SMARCAL1: variants seen among roughly 807,000 people sequenced by gnomAD.
SMARCAL1 encodes ATP-driven annealing helicase.
SMARCAL1 carries 58 observed loss-of-function variants against 94.5 expected under a neutral mutation model. The ratio of observed to expected loss-of-function variants is 0.61; its 90% CI spans 0.50 to 0.76. The LOEUF is 0.76. SMARCAL1 is among the 30% of genes least tolerant of loss of function. The pLI, the probability that SMARCAL1 is intolerant of heterozygous loss-of-function variation, is 0.00. For missense variants in SMARCAL1, 1,051 were observed against 1,177.9 expected, an observed-to-expected ratio of 0.89 and a Z score of 1.58; for synonymous variants, 422 against 455.1, an observed-to-expected ratio of 0.93 and a Z score of 0.93.
chr2:216,421,171 G>T (rs544137264), intron 5 of SMARCAL1, among the ~76,000 whole-genome samples: 48 of 152,286 alleles, frequency 3.2e-4, no homozygotes, highest in African/African-American at 1.1e-3. Flanking sequence ...TGTTTATTTT[G>T]TCGGAGGTGG....
At chr2:216,422,057 T>A (rs776378267) in intron 5 of SMARCAL1, among the ~76,000 whole-genome samples, 47 of 152,164 alleles carry the variant, frequency 3.1e-4, no homozygotes, top group Admixed American at 5.9e-4. Flanking sequence ...TCCTGCCCCC[T>A]CAGGTGTTTG....
intron 3 of SMARCAL1, 128 bp downstream of exon 3, chr2:216,415,643 T>A: frequency 1.1e-6 from 1 of 928,380 alleles, no homozygotes; most frequent in Admixed American, 2.6e-5. Flanking sequence ...TTGTTAAAAA[T>A]TTTTCAATTT....
At chr2:216,449,018 A>G (rs1033085) in intron 11 of SMARCAL1, among the ~76,000 whole-genome samples, 36,534 of 152,142 alleles carry the variant, frequency 0.24, 5,416 homozygotes, top group Non-Finnish European at 0.32. Context: ...TATTTAGCTC[A>G]TGGTTCTGGA....
At chr2:216,417,076 C>T (rs1440960002) in intron 4 of SMARCAL1, among the ~76,000 whole-genome samples, 1 of 152,206 alleles carries the variant, frequency 6.6e-6, no homozygotes, top group East Asian at 1.9e-4. Context: ...CTCTTCCTCC[C>T]CCTAGCTTAA....
intron 15 of SMARCAL1, among the ~76,000 whole-genome samples, chr2:216,476,521 C>T (rs1312207462): frequency 6.6e-6 from 1 of 152,120 alleles, no homozygotes; most frequent in Non-Finnish European, 1.5e-5. Context: ...CCATGTTGCT[C>T]AAGCTGTTCT....
At chr2:216,427,908 TC>T (rs1272857655) in intron 6 of SMARCAL1, among the ~76,000 whole-genome samples, 2 of 152,334 alleles carry the variant, frequency 1.3e-5, no homozygotes, top group Admixed American at 6.5e-5. Context: ...CCTTAGGATT[TC>T]AAATAATATT....
rs1693548931 is a variant in SMARCAL1, at chr2:216,414,745, A to T, written c.41A>T (p.Glu14Val). The T allele has an allele frequency of 1.2e-6, 2 of 1,614,092 alleles. No individual in the cohort carries two copies. Among genetic ancestry groups the T allele is most frequent in the African/African-American group, 2.7e-5 (2 of 74,930 alleles). Reference sequence around the variant, plus strand: ...ACAGAGGAGCAGAGGAAAAAGATTGAAGAGAATCGACAAAAGGCTCTGGCC... The same window carrying T: ...ACAGAGGAGCAGAGGAAAAAGATTGTAGAGAATCGACAAAAGGCTCTGGCC... The part of the protein sequence containing the change: ...PLTEEQRKKI[E>V]ENRQKALARR... Residue 14 changes from glutamate (E) to valine (V), a missense_variant, in exon 3 of 18, where the codon GAA (glutamate) becomes GTA (valine). By Grantham distance (121) the Glu-to-Val change is moderately radical. This residue lies in a region of SMARCAL1 where 398 missense variants were observed against 395.2 expected (regional missense o/e 1.01). Coordinates refer to ENST00000357276, the MANE Select transcript of SMARCAL1 (RefSeq NM_014140.4).
Position 216,475,484 on chromosome 2 carries a change from G to C in SMARCAL1, c.2427+33G>C. On this transcript the variant is annotated intron_variant, in intron 15 of 17. Transcript: ENST00000357276. This position sits in a 1 kb window ranked among gnomAD's most constrained non-coding sequence, Gnocchi z 4.4. ...ACGCAGAAGACTCAGATACTCCCCA[G>C]GCATGCTCATGGCTGTGGGCAGGAA... The C allele has an allele frequency of 6.2e-7, 1 of 1,609,750 alleles. No homozygotes were observed. Among genetic ancestry groups the C allele is most frequent in the Non-Finnish European group, 8.5e-7 (1 of 1,175,982 alleles).
intron 15 of SMARCAL1, among the ~76,000 whole-genome samples, chr2:216,476,305 G>A (rs1360904621): frequency 2.8e-5 from 4 of 143,530 alleles, no homozygotes; most frequent in Admixed American, 7.2e-5. Flanking sequence ...TGCTCATGAT[G>A]TTAGGTGGTT....
At position 216,437,304 on chromosome 2, in the gene SMARCAL1, A is replaced by G. The variant is rs1192118633; in HGVS notation, c.1645-1116A>G. On this transcript the variant is annotated intron_variant, in intron 9 of 17. Transcript: ENST00000357276. ...GATCAGAAAGGCATATGACCGTAAC[A>G]CTCCAGCTTTCTGGACAGGATACTT... is the stretch of plus-strand genomic sequence containing the variant. 4.6e-5 allele frequency among the ~76,000 whole-genome samples: 7 copies of G among 152,058 alleles called. No homozygotes were observed. In the East Asian group the frequency reaches 1.2e-3, roughly 25 times the overall value.
intron 12 of SMARCAL1, among the ~76,000 whole-genome samples, chr2:216,455,587 C>T (rs1237767937): frequency 6.6e-6 from 1 of 152,212 alleles, no homozygotes; most frequent in East Asian, 1.9e-4. Context: ...CCGAGCCAAA[C>T]AGGGTCTGGA....
At chr2:216,461,647 G>A (rs1694707495) in intron 12 of SMARCAL1, among the ~76,000 whole-genome samples, 1 of 152,092 alleles carries the variant, frequency 6.6e-6, no homozygotes, top group African/African-American at 2.4e-5. Context: ...GGACAACATG[G>A]CAAAACCCTG....
At chr2:216,459,403 C>A (rs1345208689) in intron 12 of SMARCAL1, among the ~76,000 whole-genome samples, 1 of 152,202 alleles carries the variant, frequency 6.6e-6, no homozygotes. Flanking sequence ...AAGAACAAAG[C>A]TGGAGTCATC....
chr2:216,468,138 C>T (rs937553298), intron 14 of SMARCAL1, 92 bp downstream of exon 14: 7 of 825,772 alleles, frequency 8.5e-6, no homozygotes, highest in African/African-American at 5.1e-5. Context: ...AAAGTGAGAC[C>T]GATGGCTTCC....
chr2:216,438,313 G>T, intron 9 of SMARCAL1, 107 bp from the exon 10 acceptor site: 1 of 910,088 alleles, frequency 1.1e-6, no homozygotes, highest in Non-Finnish European at 1.8e-6. Context: ...AAGTGCTAAG[G>T]GAGCATCCAC....
At chr2:216,464,030 C>T (rs1458070006) in intron 12 of SMARCAL1, among the ~76,000 whole-genome samples, 2 of 151,982 alleles carry the variant, frequency 1.3e-5, no homozygotes, top group African/African-American at 2.4e-5. Flanking sequence ...CGAGACAGAG[C>T]GAGACTTTGT....
chr2:216,439,423 A>G (rs1355273497), intron 10 of SMARCAL1, among the ~76,000 whole-genome samples: 1 of 152,140 alleles, frequency 6.6e-6, no homozygotes, highest in East Asian at 1.9e-4. Flanking sequence ...GAAGTTTCTC[A>G]CAGATTACTT....
At chr2:216,446,058 G>C (rs1694307611) in intron 10 of SMARCAL1, among the ~76,000 whole-genome samples, 2 of 152,096 alleles carry the variant, frequency 1.3e-5, no homozygotes, top group African/African-American at 2.4e-5. Flanking sequence ...GAGCTGAAGT[G>C]AATTTTACGT....
Position 216,464,516 on chromosome 2 carries a change from G to A in SMARCAL1, c.2071-81G>A, listed in dbSNP as rs555486135. On this transcript the variant is annotated intron_variant, in intron 12 of 17. Coordinates refer to ENST00000357276, the MANE Select transcript of SMARCAL1 (RefSeq NM_014140.4). ...GACGGGTGGTTGAGATTTGTAAAGCGCATAGGAGCAATAATTAGATCCACT... is the reference window on the plus strand; with the variant it reads ...GACGGGTGGTTGAGATTTGTAAAGCACATAGGAGCAATAATTAGATCCACT... 2.8e-5 allele frequency: 28 copies of A among 1,001,270 alleles called. 2 individuals carry two copies. The highest frequency in any genetic ancestry group is 4.0e-4 in the Middle Eastern group (2 of 4,944). 62.0% of individuals were successfully genotyped at this position (1,001,270 alleles called of 1,614,324 possible).
Sources: allele counts gnomAD v4.1 joint callset (sites outside exome capture counted in the v4.1 genomes callset), GRCh38; gene constraint gnomAD v4.1.1; regional missense constraint gnomAD v4.1.1; non-coding constraint Gnocchi (gnomAD v3.1); transcripts MANE v1.5; gene names NCBI Gene and HGNC (gene_info 2026-07-23, HGNC 2026-07-21).